The following FSTL5 variants were observed in gnomAD, a reference collection of about 807,000 sequenced individuals.
FSTL5 encodes follistatin-related protein 5.
FSTL5 carries 62 observed loss-of-function variants against 89.1 expected under a neutral mutation model. The observed-to-expected ratio is 0.70, with a 90% CI of 0.57 to 0.86. The LOEUF (loss-of-function observed/expected upper bound fraction) is 0.86, where lower values mean the gene tolerates loss of function less well. FSTL5 is among the 40% of genes least tolerant of loss of function. FSTL5 has a pLI of 0.00. For synonymous variants in FSTL5, 383 were observed against 346.2 expected (o/e 1.11, Z -1.18); for missense variants, 1,057 against 1,001.6 (o/e 1.06, Z -0.75).
chr4:161,847,742 A>G (rs1731413203), intron 4 of FSTL5, among the ~76,000 whole-genome samples: 1 of 152,104 alleles, frequency 6.6e-6, no homozygotes, highest in Non-Finnish European at 1.5e-5. Flanking sequence ...CTAGTTTAAA[A>G]AATCCAAGAC....
intron 4 of FSTL5, among the ~76,000 whole-genome samples, chr4:161,889,363 C>T (rs554878759): frequency 1.3e-5 from 2 of 152,184 alleles, no homozygotes; most frequent in East Asian, 3.9e-4. Context: ...ATAAAATAGG[C>T]CAGGTGTGGT....
intron 10 of FSTL5, among the ~76,000 whole-genome samples, chr4:161,533,829 C>T (rs1731503666): frequency 6.6e-6 from 1 of 151,838 alleles, no homozygotes; most frequent in African/African-American, 2.4e-5. Flanking sequence ...TGCAAAAATC[C>T]TCAATAAAGT....
In FSTL5 at chr4:161,431,036, C is replaced by A. The variant is rs148230696; in HGVS notation, c.1841+23968G>T. Among the ~76,000 whole-genome samples the A allele has an allele frequency of 4.6e-5, 7 of 152,190 alleles. No individual in the cohort carries two copies. The East Asian group carries it at 1.2e-3, about 25-fold the overall frequency. ...GCTGAGGGATTTAATCAACATCAGA[C>A]CTGCCCTACAAAAAATGTTAAAGAC... On this transcript the variant is annotated intron_variant, in intron 15 of 15. Coordinates refer to ENST00000306100, the MANE Select transcript of FSTL5 (RefSeq NM_020116.5).
intron 4 of FSTL5, among the ~76,000 whole-genome samples, chr4:161,800,808 T>C (rs1309644169): frequency 6.6e-6 from 1 of 151,586 alleles, no homozygotes; most frequent in Non-Finnish European, 1.5e-5. Context: ...TCAGGAAGTA[T>C]AAATATCTTT....
intron 15 of FSTL5, among the ~76,000 whole-genome samples, chr4:161,402,231 G>A (rs986320375): frequency 1.3e-5 from 2 of 151,984 alleles, no homozygotes; most frequent in Non-Finnish European, 2.9e-5. Context: ...GCAACAAAAA[G>A]CAATCATTTA....
At chr4:161,582,278 C>T (rs999699813) in intron 8 of FSTL5, among the ~76,000 whole-genome samples, 19 of 152,026 alleles carry the variant, frequency 1.2e-4, no homozygotes, top group African/African-American at 4.6e-4. Context: ...TTCTGAAAGC[C>T]TGATTTTCTA....
chr4:161,580,094 G>T (rs1036249637), intron 8 of FSTL5, among the ~76,000 whole-genome samples: 2 of 151,998 alleles, frequency 1.3e-5, no homozygotes, highest in Non-Finnish European at 2.9e-5. Context: ...ATTAATTTTT[G>T]AACATGTCTA....
intron 1 of FSTL5, among the ~76,000 whole-genome samples, chr4:162,142,430 G>T (rs894723302): frequency 6.6e-6 from 1 of 152,196 alleles, no homozygotes; most frequent in Non-Finnish European, 1.5e-5. Context: ...ATTTGAGAAA[G>T]AATATATAGA....
chr4:161,781,541 T>C (rs1020198255), intron 4 of FSTL5, among the ~76,000 whole-genome samples: 17 of 152,148 alleles, frequency 1.1e-4, no homozygotes, highest in African/African-American at 3.6e-4. Context: ...ATAGTACATT[T>C]AAAGAGCCGT....
intron 3 of FSTL5, among the ~76,000 whole-genome samples, chr4:162,008,801 G>C (rs1201280728): frequency 6.6e-6 from 1 of 151,676 alleles, no homozygotes; most frequent in Non-Finnish European, 1.5e-5. Context: ...CCTAAACTTG[G>C]GCTTGATTTA....
intron 15 of FSTL5, among the ~76,000 whole-genome samples, chr4:161,414,132 A>T (rs1022131249): frequency 6.6e-6 from 1 of 152,214 alleles, no homozygotes; most frequent in Non-Finnish European, 1.5e-5. Context: ...TTCAATATAA[A>T]AAATTAAAGT....
At chr4:161,394,542 A>G (rs1271360575) in intron 15 of FSTL5, among the ~76,000 whole-genome samples, 2 of 152,072 alleles carry the variant, frequency 1.3e-5, no homozygotes, top group Non-Finnish European at 2.9e-5. Flanking sequence ...CCCAAAGTGC[A>G]GAGATTACAG....
At chr4:162,086,898 GT>G (rs1466279881) in intron 2 of FSTL5, among the ~76,000 whole-genome samples, 5 of 152,016 alleles carry the variant, frequency 3.3e-5, no homozygotes, top group African/African-American at 1.2e-4. Flanking sequence ...ATCCAAGTGT[GT>G]AAATAATATT....
At chr4:161,868,772 T>C (rs1732169897) in intron 4 of FSTL5, among the ~76,000 whole-genome samples, 1 of 152,240 alleles carries the variant, frequency 6.6e-6, no homozygotes, top group Non-Finnish European at 1.5e-5. Flanking sequence ...AGATATTTGA[T>C]GTGCCCTCCT....
At chr4:161,501,420 T>C (rs1423427719) in intron 11 of FSTL5, among the ~76,000 whole-genome samples, 1 of 152,074 alleles carries the variant, frequency 6.6e-6, no homozygotes, top group African/African-American at 2.4e-5. Flanking sequence ...TATAACTATG[T>C]ATCCATATAT....
intron 10 of FSTL5, among the ~76,000 whole-genome samples, chr4:161,519,997 A>G (rs1386870044): frequency 6.6e-6 from 1 of 152,118 alleles, no homozygotes; most frequent in Admixed American, 6.6e-5. Context: ...CCTAGGCGGA[A>G]CTCAAGATGA....
intron 3 of FSTL5, among the ~76,000 whole-genome samples, chr4:161,932,356 T>C (rs542898408): frequency 6.6e-6 from 1 of 151,978 alleles, no homozygotes; most frequent in South Asian, 2.1e-4. Flanking sequence ...CTTTAGTTTT[T>C]TGTTAGATAC....
intron 3 of FSTL5, among the ~76,000 whole-genome samples, chr4:161,977,918 A>G (rs1334771738): frequency 6.6e-6 from 1 of 152,080 alleles, no homozygotes; most frequent in Non-Finnish European, 1.5e-5. Flanking sequence ...AGCTGTTTAT[A>G]TTACCACAAG....
chr4:161,456,100 C>T (rs534531865), intron 14 of FSTL5, among the ~76,000 whole-genome samples: 2 of 152,156 alleles, frequency 1.3e-5, no homozygotes, highest in African/African-American at 4.8e-5. Flanking sequence ...TGGCTGGGGC[C>T]CACTTCCTGA....
Sources: gnomAD v4.1 joint callset for allele counts (sites outside exome capture counted in the v4.1 genomes callset) on GRCh38, gnomAD v4.1.1 for gene constraint, MANE v1.5 for transcripts, NCBI Gene and HGNC (gene_info 2026-07-23, HGNC 2026-07-21) for gene names.